Variants in PIWIL3 observed in about 807,000 individuals in gnomAD.
PIWIL3 encodes piwi like RNA-mediated gene silencing 3, also known as piwi-like protein 3.
In PIWIL3, 101 loss-of-function variants were observed where a neutral mutation model predicts 109.7. The observed-to-expected ratio is 0.92, with a 90% CI of 0.78 to 1.09. PIWIL3 has a LOEUF of 1.09. Ranked by LOEUF, PIWIL3 falls within the 50% of genes least tolerant of loss-of-function variation. PIWIL3 has a pLI of 0.00. For missense variants in PIWIL3, 1,031 were observed against 1,072.6 expected (o/e 0.96, Z 0.54); for synonymous variants, 373 against 376.4 (o/e 0.99, Z 0.10).
At chr22:24,756,736 AACAG>A in intron 4 of PIWIL3, 31 bp from the exon 5 acceptor site, 1 of 1,564,204 alleles carries the variant, frequency 6.4e-7, no homozygotes, top group Non-Finnish European at 8.8e-7. Flanking sequence ...ACAATAAAGA[AACAG>A]ACTGATTGGG....
At position 24,749,033 on chromosome 22, in the gene PIWIL3, A is replaced by G. The variant is rs1477520500; in HGVS notation, c.1335-12T>C. 6.3e-7 allele frequency: 1 copy of G among 1,582,820 alleles called. No homozygotes were observed. The highest frequency in any genetic ancestry group is 8.7e-7 in the Non-Finnish European group (1 of 1,154,946). ...GTACTTTTTTATTACTGAAAATTAA[A>G]ATATTGCCAACATGATCAAACCAAA... On this transcript the variant is annotated splice_polypyrimidine_tract_variant and intron_variant, in intron 11 of 20. Coordinates refer to ENST00000616349, the MANE Select transcript of PIWIL3 (RefSeq NM_001255975.1).
intron 1 of PIWIL3, among the ~76,000 whole-genome samples, chr22:24,766,614 G>A (rs939954477): frequency 1.4e-4 from 21 of 152,014 alleles, no homozygotes; most frequent in Admixed American, 1.2e-3. Flanking sequence ...GAGCCACCGC[G>A]CCTGGCCTAG....
chr22:24,754,258 C>A (rs774670410), intron 7 of PIWIL3, 41 bp from the exon 8 acceptor site: 1 of 1,551,212 alleles, frequency 6.4e-7, no homozygotes. Flanking sequence ...GATCTCTTCA[C>A]ATAAAGCCAA....
rs543924617 is a variant in PIWIL3, at chr22:24,766,516, G to T, written c.-22-3995C>A. ...TTGTATTTTTTTTAGTAGAGACGGG[G>T]TTTCGCCATGTTAGCCAGGATGGTC... On this transcript the variant is annotated intron_variant, in intron 1 of 20. Coordinates refer to ENST00000616349, the MANE Select transcript of PIWIL3 (RefSeq NM_001255975.1). 6.6e-5 allele frequency among the ~76,000 whole-genome samples: 10 copies of T among 151,908 alleles called. No individual in the cohort carries two copies. In the South Asian group the frequency reaches 1.7e-3, roughly 25 times the overall value.
intron 3 of PIWIL3, 138 bp from the exon 4 acceptor site, chr22:24,758,177 G>T: frequency 9.5e-7 from 1 of 1,057,198 alleles, no homozygotes; most frequent in Non-Finnish European, 1.3e-6. Context: ...GTGATATGTT[G>T]CCGCAAAAGC....
At chr22:24,763,541 C>T (rs905121871) in intron 1 of PIWIL3, among the ~76,000 whole-genome samples, 17 of 152,098 alleles carry the variant, frequency 1.1e-4, no homozygotes, top group African/African-American at 3.9e-4. Context: ...CTCAGGTGAT[C>T]CACCCGCCTC....
intron 3 of PIWIL3, among the ~76,000 whole-genome samples, chr22:24,759,275 C>T: frequency 1.3e-5 from 2 of 152,308 alleles, no homozygotes; most frequent in Middle Eastern, 3.4e-3. Flanking sequence ...TGTATAAGCT[C>T]ATTTTATAGG....
At chr22:24,744,030 T>C (rs1924164474) in intron 12 of PIWIL3, among the ~76,000 whole-genome samples, 2 of 151,276 alleles carry the variant, frequency 1.3e-5, no homozygotes, top group South Asian at 4.2e-4. Context: ...GAAAATCACC[T>C]TCACTAAAAG....
At chr22:24,748,655 T>TG (rs1924513854) in intron 12 of PIWIL3, among the ~76,000 whole-genome samples, 1 of 151,988 alleles carries the variant, frequency 6.6e-6, no homozygotes, top group Non-Finnish European at 1.5e-5. Context: ...AGGATATATT[T>TG]GAAAAAATGG....
At chr22:24,732,604 A>C (rs1270604744) in intron 14 of PIWIL3, among the ~76,000 whole-genome samples, 1 of 152,142 alleles carries the variant, frequency 6.6e-6, no homozygotes, top group Non-Finnish European at 1.5e-5. Context: ...CAGGTGGATC[A>C]CGAGGTCAGG....
At chr22:24,764,491 C>T (rs541337997) in intron 1 of PIWIL3, among the ~76,000 whole-genome samples, 113 of 152,332 alleles carry the variant, frequency 7.4e-4, no homozygotes, top group Non-Finnish European at 1.4e-3. Context: ...AAGCACTGAT[C>T]TCTAGAGGTG....
intron 3 of PIWIL3, 140 bp from the exon 4 acceptor site, chr22:24,758,179 C>T (rs1294971190): frequency 1.1e-5 from 11 of 1,040,620 alleles, no homozygotes; most frequent in East Asian, 5.1e-5. Flanking sequence ...GATATGTTGC[C>T]GCAAAAGCGT....
intron 1 of PIWIL3, among the ~76,000 whole-genome samples, chr22:24,772,912 C>T (rs1005134383): frequency 6.6e-6 from 1 of 152,142 alleles, no homozygotes; most frequent in African/African-American, 2.4e-5. Context: ...GACCTCAAGC[C>T]CCCATGTGCT....
At chr22:24,761,658 G>A (rs916053901) in intron 2 of PIWIL3, among the ~76,000 whole-genome samples, 7 of 152,084 alleles carry the variant, frequency 4.6e-5, no homozygotes, top group East Asian at 1.9e-4. Context: ...AACAAAGATG[G>A]TGCCCTAGGA....
chr22:24,761,545 C>T (rs1264519048), intron 2 of PIWIL3, among the ~76,000 whole-genome samples: 4 of 152,164 alleles, frequency 2.6e-5, no homozygotes, highest in Non-Finnish European at 5.9e-5. Flanking sequence ...TTTAGGAGAA[C>T]ACACACCTGC....
rs115432982 is a variant in PIWIL3, at chr22:24,738,758, C to A, written c.1450-2866G>T. On this transcript the variant is annotated intron_variant, in intron 12 of 20. Transcript: ENST00000616349. The stretch of plus-strand genomic sequence containing the variant: ...ACAGCCTTCCCAAGGAAGATGAATA[C>A]AAACAAGCCCAGATGGCGAAGAGAA... Among the ~76,000 whole-genome samples the A allele has an allele frequency of 4.2e-3, 647 of 152,258 alleles. 4 individuals carry two copies. The highest frequency in any genetic ancestry group is 0.015 in the African/African-American group (618 of 41,556).
intron 5 of PIWIL3, 122 bp downstream of exon 5, chr22:24,756,369 T>C (rs1925030558): frequency 2.2e-6 from 2 of 902,412 alleles, no homozygotes; most frequent in South Asian, 1.8e-5. Flanking sequence ...CAACAAGTCA[T>C]ATGGGCAAGA....
chr22:24,725,454 A>G lies in PIWIL3; in HGVS notation c.2071T>C (p.Cys691Arg). ...GCTACAAGACACTGACCTTTCAAGC[A>G]GATCTCCAGCTCTTTCACAAGCTCT... ...GEELVKELEI[C>R]LKAALDVWCK... Residue 691 changes from cysteine (C) to arginine (R), a missense_variant, in exon 17 of 21, where the codon TGC (cysteine) becomes CGC (arginine). Coordinates refer to ENST00000616349, the MANE Select transcript of PIWIL3 (RefSeq NM_001255975.1). 1 of 1,613,940 alleles carries G rather than the reference A, an allele frequency of 6.2e-7. No homozygotes were observed.
At chr22:24,757,757 G>A in intron 4 of PIWIL3, 151 bp downstream of exon 4, 2 of 857,592 alleles carry the variant, frequency 2.3e-6, no homozygotes, top group Non-Finnish European at 3.3e-6. Flanking sequence ...GATCAGCTCA[G>A]GATCAGCTGA....
Sources: allele counts gnomAD v4.1 joint callset (sites outside exome capture counted in the v4.1 genomes callset), GRCh38; gene constraint gnomAD v4.1.1; transcripts MANE v1.5; gene names NCBI Gene and HGNC (gene_info 2026-07-23, HGNC 2026-07-21).